The following CPA6 variants were observed in gnomAD, a reference collection of about 807,000 sequenced individuals.
The protein encoded by CPA6 is carboxypeptidase B.
In CPA6, 58 loss-of-function variants were observed where a neutral mutation model predicts 63.3. The ratio of observed to expected loss-of-function variants is 0.92; its 90% CI spans 0.74 to 1.14. CPA6 has a LOEUF of 1.14. Ranked by LOEUF, CPA6 falls within the 50% of genes most tolerant of loss-of-function variation. The pLI is 0.00. For synonymous variants in CPA6, 185 were observed against 179.0 expected, an observed-to-expected ratio of 1.03 and a Z score of -0.27; for missense variants, 565 against 526.6, an observed-to-expected ratio of 1.07 and a Z score of -0.71.
At chr8:67,441,649 C>A (rs1810296937) in intron 8 of CPA6, among the ~76,000 whole-genome samples, 1 of 151,992 alleles carries the variant, frequency 6.6e-6, no homozygotes, top group South Asian at 2.1e-4. Context: ...ACCAATGGAA[C>A]AGAATCACCA....
At chr8:67,547,422 T>C (rs1187075371) in intron 2 of CPA6, among the ~76,000 whole-genome samples, 2 of 151,818 alleles carry the variant, frequency 1.3e-5, no homozygotes, top group African/African-American at 4.8e-5. Context: ...CTTAAATATA[T>C]AAAAGTGAAA....
chr8:67,473,170 T>G (rs1032749875), intron 8 of CPA6, among the ~76,000 whole-genome samples: 1 of 152,238 alleles, frequency 6.6e-6, no homozygotes, highest in Admixed American at 6.5e-5. Flanking sequence ...AAGCTTTTTG[T>G]ATTTTCTTTA....
At chr8:67,666,886 A>C (rs1816242975) in intron 1 of CPA6, among the ~76,000 whole-genome samples, 1 of 152,158 alleles carries the variant, frequency 6.6e-6, no homozygotes, top group Admixed American at 6.5e-5. Flanking sequence ...GGTGGGCCTT[A>C]GGCCTGAGAA....
chr8:67,609,027 T>A (rs1008343922), intron 2 of CPA6, among the ~76,000 whole-genome samples: 1 of 152,224 alleles, frequency 6.6e-6, no homozygotes, highest in Non-Finnish European at 1.5e-5. Context: ...CCCATCCCAA[T>A]GGGTATGCCA....
At chr8:67,424,016 G>A (rs1344952835) in intron 10 of CPA6, among the ~76,000 whole-genome samples, 1 of 152,170 alleles carries the variant, frequency 6.6e-6, no homozygotes, top group African/African-American at 2.4e-5. Flanking sequence ...TCAGATCAGT[G>A]GCAGCATTAG....
At chr8:67,698,155 T>C (rs966841797) in intron 1 of CPA6, among the ~76,000 whole-genome samples, 88 of 152,260 alleles carry the variant, frequency 5.8e-4, no homozygotes, top group African/African-American at 2.0e-3. Context: ...GGCTAGGTAA[T>C]AATGAAGAGC....
chr8:67,485,954 T>A (rs564078852), intron 6 of CPA6, among the ~76,000 whole-genome samples: 13 of 152,214 alleles, frequency 8.5e-5, no homozygotes, highest in African/African-American at 3.1e-4. Flanking sequence ...TGTCTCCCCA[T>A]GTTTTTTGAG....
chr8:67,608,404 A>G (rs1208971437), intron 2 of CPA6, among the ~76,000 whole-genome samples: 2 of 152,150 alleles, frequency 1.3e-5, no homozygotes, highest in Non-Finnish European at 2.9e-5. Flanking sequence ...CGACTGGGGA[A>G]TGGTCATAGA....
At chr8:67,448,639 G>GAAAAAAAAAAAAAAAAAA (rs61317091) in intron 8 of CPA6, among the ~76,000 whole-genome samples, 92 of 23,122 alleles carry the variant, frequency 4.0e-3, no homozygotes, top group Non-Finnish European at 6.6e-3. Context: ...CTCAAAAAAG[G>GAAAAAAAAAAAAAAAAAA]AAAAAAAAAA....
chr8:67,681,520 T>G (rs1473280187), intron 1 of CPA6, among the ~76,000 whole-genome samples: 1 of 152,220 alleles, frequency 6.6e-6, no homozygotes, highest in African/African-American at 2.4e-5. Context: ...AAGATTTTCT[T>G]TAATGTTGTC....
chr8:67,507,575 C>T (rs757408741), intron 5 of CPA6, among the ~76,000 whole-genome samples: 1 of 152,076 alleles, frequency 6.6e-6, no homozygotes, highest in Non-Finnish European at 1.5e-5. Flanking sequence ...TAATTCACTT[C>T]ACAAATATTT....
At chr8:67,560,480 A>G (rs1813182117) in intron 2 of CPA6, among the ~76,000 whole-genome samples, 1 of 152,194 alleles carries the variant, frequency 6.6e-6, no homozygotes, top group South Asian at 2.1e-4. Flanking sequence ...GGCACAGAGC[A>G]CTGGTTCCCG....
chr8:67,531,056 T>A (rs557029307), intron 2 of CPA6, among the ~76,000 whole-genome samples: 3 of 152,284 alleles, frequency 2.0e-5, no homozygotes, highest in East Asian at 3.9e-4. Flanking sequence ...GATACTAGTT[T>A]TATGGTATCT....
intron 1 of CPA6, among the ~76,000 whole-genome samples, chr8:67,693,024 AG>A: frequency 6.6e-6 from 1 of 152,350 alleles, no homozygotes; most frequent in East Asian, 1.9e-4. Flanking sequence ...ACGATGACTC[AG>A]AACACTGCCA....
intron 1 of CPA6, among the ~76,000 whole-genome samples, chr8:67,707,362 C>A (rs1229627354): frequency 3.9e-5 from 6 of 152,140 alleles, no homozygotes; most frequent in African/African-American, 7.2e-5. Context: ...TTTTTCAAAG[C>A]CAAGAAAACT....
intron 2 of CPA6, among the ~76,000 whole-genome samples, chr8:67,536,992 T>C (rs1238748105): frequency 6.6e-6 from 1 of 152,340 alleles, no homozygotes; most frequent in East Asian, 1.9e-4. Context: ...TGTGATGAAT[T>C]ACATTTGTTG....
At chr8:67,451,515 T>C (rs933127699) in intron 8 of CPA6, among the ~76,000 whole-genome samples, 7 of 152,214 alleles carry the variant, frequency 4.6e-5, no homozygotes, top group Admixed American at 4.6e-4. Flanking sequence ...ATTCTTTCAT[T>C]ATATATCACA....
intron 1 of CPA6, among the ~76,000 whole-genome samples, chr8:67,667,663 A>T (rs1292991288): frequency 6.6e-6 from 1 of 152,170 alleles, no homozygotes; most frequent in African/African-American, 2.4e-5. Context: ...CTGAAATTCA[A>T]TTTCTAACCC....
chr8:67,502,468 C>T (rs1811847889), intron 6 of CPA6, among the ~76,000 whole-genome samples: 1 of 152,256 alleles, frequency 6.6e-6, no homozygotes, highest in South Asian at 2.1e-4. Context: ...TCTCTAATAA[C>T]TTTGTTTTCA....
Sources: allele counts gnomAD v4.1 joint callset (sites outside exome capture counted in the v4.1 genomes callset), GRCh38; gene constraint gnomAD v4.1.1; transcripts MANE v1.5; gene names NCBI Gene and HGNC (gene_info 2026-07-23, HGNC 2026-07-21).